The following KAZN variants were observed in gnomAD, a reference collection of about 807,000 sequenced individuals.
KAZN encodes kazrin.
A neutral mutation model predicts 87.4 loss-of-function variants in KAZN; 40 were observed. The ratio of observed to expected loss-of-function variants is 0.46; its 90% CI spans 0.36 to 0.60. The LOEUF is 0.60. Among genes scored for constraint, KAZN ranks in the 20% least tolerant of loss-of-function variants. The pLI is 0.00. For missense variants in KAZN, 898 were observed against 1,073.9 expected (o/e 0.84, Z 2.29); for synonymous variants, 466 against 458.3 (o/e 1.02, Z -0.22).
chr1:13,925,304 T>A (rs1270989500), intron 1 of KAZN, among the ~76,000 whole-genome samples: 1 of 152,252 alleles, frequency 6.6e-6, no homozygotes, highest in African/African-American at 2.4e-5. Flanking sequence ...TCTTTATACT[T>A]TGCCATAGTT....
chr1:14,606,033 A>G (rs1445993919), intron 1 of KAZN, among the ~76,000 whole-genome samples: 1 of 152,218 alleles, frequency 6.6e-6, no homozygotes, highest in African/African-American at 2.4e-5. Flanking sequence ...TCCATAGGAG[A>G]AAACTAAGGC....
intron 1 of KAZN, among the ~76,000 whole-genome samples, chr1:14,749,598 G>A (rs1644356309): frequency 6.6e-6 from 1 of 152,182 alleles, no homozygotes; most frequent in South Asian, 2.1e-4. Context: ...TGTGGTTACA[G>A]GAGGAAGGCA....
chr1:14,795,901 CA>C (rs1238591468), intron 1 of KAZN, among the ~76,000 whole-genome samples: 3 of 152,200 alleles, frequency 2.0e-5, no homozygotes, highest in Non-Finnish European at 2.9e-5. Flanking sequence ...CCTTGTCTAA[CA>C]CAGGAAACCC....
At chr1:14,116,492 T>C (rs1395720608) in intron 1 of KAZN, among the ~76,000 whole-genome samples, 3 of 152,088 alleles carry the variant, frequency 2.0e-5, no homozygotes, top group Non-Finnish European at 2.9e-5. Flanking sequence ...GAGTTGAGGT[T>C]TGGGAACCTC....
chr1:14,257,013 G>T (rs1489420192), intron 2 of KAZN, among the ~76,000 whole-genome samples: 4 of 152,090 alleles, frequency 2.6e-5, no homozygotes, highest in South Asian at 2.1e-4. Flanking sequence ...CTGATCCTCT[G>T]CTCAGAGGCT....
intron 1 of KAZN, among the ~76,000 whole-genome samples, chr1:14,018,662 G>A (rs1640681866): frequency 6.6e-6 from 1 of 152,096 alleles, no homozygotes; most frequent in South Asian, 2.1e-4. Flanking sequence ...CATCTACTGG[G>A]GGCCTGGATA....
At chr1:14,814,447 C>T (rs1359735034) in intron 1 of KAZN, among the ~76,000 whole-genome samples, 3 of 152,200 alleles carry the variant, frequency 2.0e-5, no homozygotes, top group Non-Finnish European at 4.4e-5. Flanking sequence ...AACCCCTGAG[C>T]TCGTGATCCA....
chr1:14,513,991 A>G (rs181457445), intron 2 of KAZN, among the ~76,000 whole-genome samples: 2 of 151,768 alleles, frequency 1.3e-5, no homozygotes, highest in Non-Finnish European at 2.9e-5. Flanking sequence ...GGGACATTTG[A>G]GTTTTTGAGG....
intron 8 of KAZN, among the ~76,000 whole-genome samples, chr1:15,084,932 G>C (rs1270096700): frequency 6.6e-6 from 1 of 152,134 alleles, no homozygotes; most frequent in Non-Finnish European, 1.5e-5. Flanking sequence ...TAAATACTAT[G>C]CATAAAATAC....
At chr1:14,853,524 G>T (rs1183436236) in intron 1 of KAZN, among the ~76,000 whole-genome samples, 1 of 152,118 alleles carries the variant, frequency 6.6e-6, no homozygotes, top group African/African-American at 2.4e-5. Flanking sequence ...GGATGCAGGT[G>T]GTAGGAGGGG....
In KAZN at chr1:15,099,744, A is replaced by G. The variant is rs541068477; in HGVS notation, c.1548-1799A>G. 2.6e-5 allele frequency among the ~76,000 whole-genome samples: 4 copies of G among 152,268 alleles called. No homozygotes were observed. Among genetic ancestry groups the G allele is most frequent in the African/African-American group, 9.6e-5 (4 of 41,552 alleles). ...GTGCACGGTCACACTGACATTTTAA[A>G]AGGACCCCCTGGTGGTCCTGGGGGA... On this transcript the variant is annotated intron_variant, in intron 10 of 14. Transcript: ENST00000376030. The surrounding 1 kb of genome is among the most constrained non-coding windows in gnomAD (Gnocchi z 5.4).
At chr1:14,777,695 C>G (rs912685690) in intron 1 of KAZN, among the ~76,000 whole-genome samples, 3 of 152,162 alleles carry the variant, frequency 2.0e-5, no homozygotes, top group African/African-American at 7.2e-5. Context: ...CATTGTCACT[C>G]GGGTCTGAAT....
At chr1:14,396,346 AT>A in intron 2 of KAZN, among the ~76,000 whole-genome samples, 1 of 152,306 alleles carries the variant, frequency 6.6e-6, no homozygotes, top group Admixed American at 6.5e-5. Flanking sequence ...CACACCAGCT[AT>A]GGCTCAGCTA....
chr1:14,103,354 T>C (rs1303863780), intron 1 of KAZN, among the ~76,000 whole-genome samples: 1 of 152,178 alleles, frequency 6.6e-6, no homozygotes, highest in African/African-American at 2.4e-5. Flanking sequence ...AGGACTTCGA[T>C]ATATAAATTG....
At chr1:14,006,332 G>A (rs1239318982) in intron 1 of KAZN, among the ~76,000 whole-genome samples, 1 of 152,172 alleles carries the variant, frequency 6.6e-6, no homozygotes, top group African/African-American at 2.4e-5. Flanking sequence ...TCTGCTTCTG[G>A]TGAGTCCTCA....
intron 2 of KAZN, among the ~76,000 whole-genome samples, chr1:14,341,559 T>G (rs1042613314): frequency 6.6e-6 from 1 of 152,198 alleles, no homozygotes; most frequent in Non-Finnish European, 1.5e-5. Flanking sequence ...ACAGGGTTGC[T>G]TCTGCCTCAG....
chr1:14,320,770 G>T (rs1655991923), intron 2 of KAZN, among the ~76,000 whole-genome samples: 1 of 152,254 alleles, frequency 6.6e-6, no homozygotes, highest in African/African-American at 2.4e-5. Flanking sequence ...GGTACAAGCT[G>T]CATGGAATCC....
chr1:14,599,041 C>G lies in KAZN; in HGVS notation c.44C>G (p.Ala15Gly). The change falls in exon 1 of 15, where the codon GCG becomes GGG. Residue 15 changes from alanine to glycine, a missense_variant. Physicochemically the swap from Ala to Gly is moderately conservative, Grantham distance 60 (BLOSUM62 0). Transcript: ENST00000376030. The surrounding 1 kb of genome is among the most constrained non-coding windows in gnomAD (Gnocchi z 4.4). ...NKQLALRIDG[A>G]VQSASQEVTN... ...CAGCTCGCGCTCCGCATCGATGGGG[C>G]GGTCCAGTCGGCCAGCCAGGAGGTG... 2 of 1,568,140 alleles carry G rather than the reference C, an allele frequency of 1.3e-6. No homozygotes were observed. The highest frequency in any genetic ancestry group is 1.7e-6 in the Non-Finnish European group (2 of 1,161,356).
rs1217812424 is a variant in KAZN at position 14,773,074 on chromosome 1, G to C, written c.226+173851G>C. On this transcript the variant is annotated intron_variant, in intron 1 of 14. Transcript: ENST00000376030. This position sits in a 1 kb window ranked among gnomAD's most constrained non-coding sequence, Gnocchi z 5.9. ...GGAAATGGGCATTTGAGGGTCAGGT[G>C]GGTGACCCTAGTCCCCCACAAAGGT... Among the ~76,000 whole-genome samples the C allele has an allele frequency of 1.3e-5, 2 of 152,238 alleles. No individual in the cohort carries two copies. The highest frequency in any genetic ancestry group is 4.8e-5 in the African/African-American group (2 of 41,542).
Sources: allele counts gnomAD v4.1 joint callset (sites outside exome capture counted in the v4.1 genomes callset), GRCh38; gene constraint gnomAD v4.1.1; non-coding constraint Gnocchi (gnomAD v3.1); transcripts MANE v1.5; gene names NCBI Gene and HGNC (gene_info 2026-07-23, HGNC 2026-07-21).